The following USP24 variants were observed in gnomAD, a reference collection of about 807,000 sequenced individuals.
The protein encoded by USP24 is ubiquitin carboxyl-terminal hydrolase 24.
In USP24, 97 loss-of-function variants were observed where a neutral mutation model predicts 361.6. That is an observed-to-expected ratio of 0.27 (90% CI 0.23 to 0.32). The LOEUF (loss-of-function observed/expected upper bound fraction) is 0.32. Ranked by LOEUF, USP24 falls within the 10% of genes least tolerant of loss-of-function variation. The probability of loss-of-function intolerance (pLI) is 1.00; values close to 1 mark genes in which losing one functional copy is unlikely to be tolerated. For synonymous variants in USP24, 1,098 were observed against 1,124.6 expected, an observed-to-expected ratio of 0.98 and a Z score of 0.47; for missense variants, 2,353 against 3,165.6, an observed-to-expected ratio of 0.74 and a Z score of 6.16.
At chr1:55,082,322 TGTGA>T (rs1349953804) in intron 58 of USP24, among the ~76,000 whole-genome samples, 3 of 152,230 alleles carry the variant, frequency 2.0e-5, no homozygotes, top group African/African-American at 4.8e-5. Flanking sequence ...TTTGATGAAC[TGTGA>T]GTATCAAAAG....
chr1:55,075,035 TG>T, intron 63 of USP24, among the ~76,000 whole-genome samples: 1 of 152,164 alleles, frequency 6.6e-6, no homozygotes, highest in East Asian at 1.9e-4. Flanking sequence ...TGTGAAAATA[TG>T]GTTACGCTTA....
chr1:55,090,859 C>A (rs967765239), intron 54 of USP24, among the ~76,000 whole-genome samples: 1 of 152,168 alleles, frequency 6.6e-6, no homozygotes, highest in East Asian at 1.9e-4. Flanking sequence ...CCAAGGAAGG[C>A]GAATCACCTG....
Position 55,097,667 on chromosome 1 carries a change from TA to T in USP24, c.5645del (p.Val1882GlufsTer4). 6.3e-7 allele frequency: 1 copy of T among 1,590,064 alleles called. No homozygotes were observed. Among genetic ancestry groups the T allele is most frequent in the Non-Finnish European group, 8.6e-7 (1 of 1,167,088 alleles). ...CAAACCCAAATCTCATTAGGTGAAT[TA>T]CCAAGACGCTAGGTAAAGATTTAAT... ...TCIKSLPSVL[V>X]IHLMRFGFDW... On this transcript the variant is annotated frameshift_variant, in exon 48 of 68. Transcript: ENST00000294383. LOFTEE classifies it high-confidence loss of function.
At chr1:55,159,100 TATAAC>T (rs1348650553) in intron 9 of USP24, 64 bp from the exon 10 acceptor site, 14 of 1,304,622 alleles carry the variant, frequency 1.1e-5, no homozygotes, top group Admixed American at 3.4e-5. Context: ...TCCCAATTCT[TATAAC>T]ATACACAAGA....
chr1:55,117,325 G>C (rs1476553066), intron 38 of USP24, among the ~76,000 whole-genome samples: 1 of 152,170 alleles, frequency 6.6e-6, no homozygotes, highest in Non-Finnish European at 1.5e-5. Flanking sequence ...GTTTCAGCCA[G>C]AGCAATTAGG....
chr1:55,107,112 C>CGT, intron 40 of USP24, 127 bp downstream of exon 40: 1 of 1,118,610 alleles, frequency 8.9e-7, no homozygotes, highest in African/African-American at 1.6e-5. Context: ...GGACAATTTC[C>CGT]TACTGTGTGA....
At chr1:55,091,897 C>T in intron 54 of USP24, 126 bp downstream of exon 54, 2 of 662,794 alleles carry the variant, frequency 3.0e-6, no homozygotes, top group East Asian at 2.9e-5. Context: ...AGCTAGAGAC[C>T]ATGTCTTAGT....
At chr1:55,121,169 T>C (rs1346305642) in intron 37 of USP24, among the ~76,000 whole-genome samples, 1 of 152,210 alleles carries the variant, frequency 6.6e-6, no homozygotes, top group Non-Finnish European at 1.5e-5. Context: ...GCTATGGATA[T>C]CAGACACTGG....
At chr1:55,078,391 A>G (rs745338649) in intron 61 of USP24, 147 bp downstream of exon 61, 4 of 427,220 alleles carry the variant, frequency 9.4e-6, no homozygotes, top group Non-Finnish European at 1.6e-5. Context: ...AAAGATTAAA[A>G]ATGAATAAAA....
intron 38 of USP24, among the ~76,000 whole-genome samples, chr1:55,111,517 T>C (rs1645953241): frequency 6.6e-6 from 1 of 152,120 alleles, no homozygotes; most frequent in African/African-American, 2.4e-5. Flanking sequence ...AATAAAAAGT[T>C]CATCTGTTTA....
At chr1:55,116,953 T>C (rs192500152) in intron 38 of USP24, among the ~76,000 whole-genome samples, 5 of 152,248 alleles carry the variant, frequency 3.3e-5, no homozygotes, top group African/African-American at 4.8e-5. Context: ...AACAAAATAC[T>C]ATCAAACCAA....
chr1:55,078,705 A>C, intron 60 of USP24, 54 bp from the exon 61 acceptor site: 9 of 1,403,186 alleles, frequency 6.4e-6, no homozygotes, highest in Non-Finnish European at 8.7e-6. Flanking sequence ...TTAACACTCC[A>C]TCTGTTGTTG....
chr1:55,127,749 T>G (rs1180649963), intron 32 of USP24, among the ~76,000 whole-genome samples: 1 of 152,250 alleles, frequency 6.6e-6, no homozygotes, highest in Non-Finnish European at 1.5e-5. Context: ...GACTTTTTAA[T>G]AATTGCCATT....
At chr1:55,096,850 A>G in intron 49 of USP24, 102 bp downstream of exon 49, 1 of 1,444,016 alleles carries the variant, frequency 6.9e-7, no homozygotes, top group East Asian at 2.5e-5. Context: ...CACAGTCAAG[A>G]ACAATGCCAA....
chr1:55,165,835 C>T (rs1326409432), intron 7 of USP24, 50 bp downstream of exon 7: 1 of 1,495,876 alleles, frequency 6.7e-7, no homozygotes, highest in Non-Finnish European at 9.1e-7. Context: ...TGTACACCAA[C>T]TCAAGTGAAA....
In USP24 at chr1:55,075,653, ACAACAACAACAACACCACCAC is replaced by A. The variant is rs113162809; in HGVS notation, c.7381-151_7381-131del. ...AACAACAACAACAACAACAACAACA[ACAACAACAACAACACCACCAC>A]CACCAATACAGGACGGGCATGGTGG... is the stretch of plus-strand genomic sequence containing the variant. On this transcript the variant is annotated intron_variant, in intron 62 of 67. Transcript: ENST00000294383. 982 of 504,778 alleles carry A rather than the reference ACAACAACAACAACACCACCAC, an allele frequency of 1.9e-3. 5 individuals are homozygous for A. The African/African-American group carries it at 0.051, about 26-fold the overall frequency. 31.3% of individuals were successfully genotyped at this position (504,778 alleles called of 1,614,324 possible).
intron 32 of USP24, among the ~76,000 whole-genome samples, chr1:55,126,208 C>A (rs1274531585): frequency 6.6e-6 from 1 of 152,238 alleles, no homozygotes; most frequent in Non-Finnish European, 1.5e-5. Flanking sequence ...ATTCACGGTG[C>A]CCCAACCACA....
In USP24 at chr1:55,141,872, C is replaced by A. The variant is rs112988118; in HGVS notation, c.2635-141G>T. 1,619 of 738,050 alleles carry A rather than the reference C, an allele frequency of 2.2e-3. 21 individuals carry two copies. In the African/African-American group the frequency reaches 0.026, roughly 12 times the overall value. The allele number at this position is 738,050 out of a possible 1,614,324, so 45.7% of individuals were successfully genotyped here. On this transcript the variant is annotated intron_variant, in intron 23 of 67. Coordinates refer to ENST00000294383, the MANE Select transcript of USP24 (RefSeq NM_015306.3). The stretch of plus-strand genomic sequence containing the variant: ...TGTTTAACAGGATCCCTGGCCTCTA[C>A]CTACTTAGGGACCAGTAGGATGCTT...
intron 62 of USP24, 43 bp from the exon 63 acceptor site, chr1:55,075,566 C>A: frequency 6.8e-7 from 1 of 1,472,052 alleles, no homozygotes. Context: ...AAAGAAGGAA[C>A]TTGTCATAGC....
Sources: allele counts gnomAD v4.1 joint callset (sites outside exome capture counted in the v4.1 genomes callset), GRCh38; gene constraint gnomAD v4.1.1; transcripts MANE v1.5; gene names NCBI Gene and HGNC (gene_info 2026-07-23, HGNC 2026-07-21).